The following PVT1 variants were observed in gnomAD, a reference collection of about 807,000 sequenced individuals.
The protein encoded by PVT1 is CXCR4/PVT1 fusion.
chr8:128,071,526 T>A (rs1255677451), intron 5 of PVT1, among the ~76,000 whole-genome samples: 12 of 132,590 alleles, frequency 9.1e-5, no homozygotes, highest in East Asian at 4.3e-4. Flanking sequence ...TATAAAAATT[T>A]TTAAAAAAAA....
intron 4 of PVT1, among the ~76,000 whole-genome samples, chr8:128,041,903 A>G (rs2130090075): frequency 2.0e-5 from 3 of 152,342 alleles, no homozygotes; most frequent in Middle Eastern, 6.8e-3. Context: ...GATGCTTTGC[A>G]GTTCCTGTAT....
intron 4 of PVT1, among the ~76,000 whole-genome samples, chr8:127,995,648 T>C (rs1817096035): frequency 6.6e-6 from 1 of 152,344 alleles, no homozygotes; most frequent in East Asian, 1.9e-4. Context: ...GTGTTAGTAC[T>C]AGTAGTAATC....
exon 1 of PVT1, chr8:127,794,704 C>T (rs1480357667): frequency 6.5e-6 from 1 of 153,276 alleles, no homozygotes; most frequent in African/African-American, 2.4e-5. Flanking sequence ...GTCCCTGTGA[C>T]CTGTGGAGAC....
intron 3 of PVT1, among the ~76,000 whole-genome samples, chr8:127,923,678 G>A (rs1247646724): frequency 6.6e-6 from 1 of 152,140 alleles, no homozygotes; most frequent in East Asian, 1.9e-4. Flanking sequence ...TGGTGAAAAC[G>A]GCTATTTTGT....
intron 2 of PVT1, among the ~76,000 whole-genome samples, chr8:127,870,108 T>C (rs1815335622): frequency 6.6e-6 from 1 of 152,174 alleles, no homozygotes. Flanking sequence ...CTGGTGGACA[T>C]TGGGTCTTTT....
rs920267571 is a variant in PVT1, at chr8:128,002,190, A to C, written n.912+12899A>C. 3.9e-5 allele frequency among the ~76,000 whole-genome samples: 6 copies of C among 152,308 alleles called. No homozygotes were observed. In the Middle Eastern group the frequency reaches 0.01, roughly 259 times the overall value. On this transcript the variant is annotated intron_variant and non_coding_transcript_variant, in intron 4 of 10. Coordinates refer to ENST00000651587, the Ensembl canonical transcript of PVT1. ...ATGCATAAATGAGTGAAAGACCTGG[A>C]TAATCCCCAACAGGCGCCTGAGTCT... is the stretch of plus-strand genomic sequence containing the variant.
intron 3 of PVT1, among the ~76,000 whole-genome samples, chr8:127,892,073 A>G (rs1815617361): frequency 6.6e-6 from 1 of 152,220 alleles, no homozygotes; most frequent in South Asian, 2.1e-4. Flanking sequence ...GCCACCTGGC[A>G]TGTGGCGGCC....
chr8:128,082,968 T>C (rs1586512100), intron 5 of PVT1: 1 of 152,258 alleles, frequency 6.6e-6, no homozygotes, highest in Non-Finnish European at 1.5e-5. Flanking sequence ...TTGGATTGTT[T>C]CTTATTTTCA....
In PVT1 at chr8:128,054,707, T is replaced by C. The variant is rs572307951; in HGVS notation, n.913-15453T>C. 1.2e-4 allele frequency among the ~76,000 whole-genome samples: 18 copies of C among 152,320 alleles called. No individual in the cohort carries two copies. In the South Asian group the frequency reaches 3.5e-3, roughly 30 times the overall value. The stretch of plus-strand genomic sequence containing the variant: ...TTCTGACTGCAGTTTTCATTTATTT[T>C]GCTGCTTGTGTGAATCATGACTGTG... On this transcript the variant is annotated intron_variant and non_coding_transcript_variant, in intron 4 of 10. Coordinates refer to ENST00000651587, the Ensembl canonical transcript of PVT1.
chr8:127,930,302 A>G (rs763570210), intron 3 of PVT1, among the ~76,000 whole-genome samples: 1 of 152,182 alleles, frequency 6.6e-6, no homozygotes, highest in Non-Finnish European at 1.5e-5. Context: ...GATTACAGGC[A>G]TGCGCCACCA....
intron 3 of PVT1, among the ~76,000 whole-genome samples, chr8:127,913,528 T>G (rs553051460): frequency 9.9e-5 from 15 of 152,232 alleles, no homozygotes; most frequent in African/African-American, 2.9e-4. Flanking sequence ...TGGGTTCTGT[T>G]GGGCGCTGCT....
intron 2 of PVT1, among the ~76,000 whole-genome samples, chr8:127,873,509 T>C (rs2129773423): frequency 6.6e-6 from 1 of 152,280 alleles, no homozygotes; most frequent in East Asian, 1.9e-4. Flanking sequence ...GTAGCTAATA[T>C]CTATTTCATG....
At chr8:128,004,114 G>T (rs75452227) in intron 4 of PVT1, among the ~76,000 whole-genome samples, 3,060 of 152,172 alleles carry the variant, frequency 0.02, 265 homozygotes, top group Admixed American at 0.16. Context: ...CCTCCATAAG[G>T]TTTCTATCTC....
intron 3 of PVT1, chr8:127,989,054 T>C (rs879858659): frequency 2.6e-5 from 4 of 152,250 alleles, no homozygotes; most frequent in Non-Finnish European, 5.9e-5. Context: ...TCATTCAGTG[T>C]ATAGTAAATG....
At chr8:127,940,163 C>T (rs535914873) in intron 3 of PVT1, 1 of 152,312 alleles carries the variant, frequency 6.6e-6, no homozygotes, top group East Asian at 1.9e-4. Flanking sequence ...ATTATTTCCC[C>T]CACCCAACCC....
chr8:128,032,162 C>T (rs1813399326), intron 4 of PVT1, among the ~76,000 whole-genome samples: 1 of 152,154 alleles, frequency 6.6e-6, no homozygotes, highest in Non-Finnish European at 1.5e-5. Flanking sequence ...GGCTGAAGAC[C>T]CGAGCAGTCA....
At chr8:127,994,136 CAACT>C (rs1441539004) in intron 4 of PVT1, among the ~76,000 whole-genome samples, 1 of 152,198 alleles carries the variant, frequency 6.6e-6, no homozygotes, top group East Asian at 1.9e-4. Flanking sequence ...ACCCCCTCTC[CAACT>C]GTCTCTCCTT....
chr8:128,039,642 G>C (rs1160871106), intron 4 of PVT1, among the ~76,000 whole-genome samples: 1 of 152,190 alleles, frequency 6.6e-6, no homozygotes, highest in East Asian at 1.9e-4. Flanking sequence ...AGGGAGTCTT[G>C]GTAAGGACTT....
At chr8:128,058,184 G>C (rs766323319) in intron 4 of PVT1, among the ~76,000 whole-genome samples, 29 of 152,180 alleles carry the variant, frequency 1.9e-4, no homozygotes, top group Non-Finnish European at 8.8e-5. Flanking sequence ...GCTTGTGATG[G>C]ATCCTTCCTA....
Sources: gnomAD v4.1 joint callset for allele counts (sites outside exome capture counted in the v4.1 genomes callset) on GRCh38, gnomAD v4.1.1 for gene constraint, MANE v1.5 for transcripts, NCBI Gene and HGNC (gene_info 2026-07-23, HGNC 2026-07-21) for gene names.